Variants in ACACA observed in about 807,000 individuals in gnomAD.
ACACA encodes acetyl-CoA carboxylase alpha.
In ACACA, 103 loss-of-function variants were observed where a neutral mutation model predicts 296.1. That is an observed-to-expected ratio of 0.35 (90% CI 0.30 to 0.41). The LOEUF (loss-of-function observed/expected upper bound fraction) is 0.41, where lower values mean the gene tolerates loss of function less well. Ranked by LOEUF, ACACA falls within the 10% of genes least tolerant of loss-of-function variation. The probability of loss-of-function intolerance (pLI) is 1.00; values close to 1 mark genes in which losing one functional copy is unlikely to be tolerated. For synonymous variants in ACACA, 953 were observed against 1,038.6 expected (o/e 0.92, Z 1.58); for missense variants, 1,554 against 2,989.7 (o/e 0.52, Z 11.20).
At chr17:37,293,539 C>CTTTTTTTT (rs58534025) in intron 3 of ACACA, among the ~76,000 whole-genome samples, 2 of 124,612 alleles carry the variant, frequency 1.6e-5, no homozygotes, top group African/African-American at 3.0e-5. Context: ...AATTTTAGGA[C>CTTTTTTTT]TTTTTTTTTT....
intron 24 of ACACA, among the ~76,000 whole-genome samples, chr17:37,239,779 T>A (rs1000065767): frequency 6.6e-6 from 1 of 152,234 alleles, no homozygotes; most frequent in Non-Finnish European, 1.5e-5. Context: ...TGCTGATATC[T>A]ACATGAGGAT....
chr17:37,353,637 TAA>T (rs1169088763), intron 1 of ACACA, among the ~76,000 whole-genome samples: 11,388 of 55,820 alleles, frequency 0.2, 411 homozygotes, highest in Admixed American at 0.32. Flanking sequence ...AGACTCCGTC[TAA>T]AAAAAAAAAA....
At chr17:37,235,156 G>C in intron 24 of ACACA, 57 bp from the exon 25 acceptor site, 1 of 1,596,656 alleles carries the variant, frequency 6.3e-7, no homozygotes, top group South Asian at 1.1e-5. Flanking sequence ...ACATTTACAT[G>C]CTATTTGTTT....
At chr17:37,357,745 C>G (rs1293300464) in intron 1 of ACACA, among the ~76,000 whole-genome samples, 1 of 152,140 alleles carries the variant, frequency 6.6e-6, no homozygotes. Flanking sequence ...AACTGTGGTC[C>G]TGCTCTATTA....
In ACACA at chr17:37,179,592, C is replaced by G. The variant is rs138627071; in HGVS notation, c.4933-186G>C. The stretch of plus-strand genomic sequence containing the variant: ...AGATTTGTAATTACTTTTTACATGC[C>G]AAAAGTCAGGCACTTTTCCAAAAAG... On this transcript the variant is annotated intron_variant, in intron 40 of 55. Transcript: ENST00000616317. Among the ~76,000 whole-genome samples, 1,087 of 152,204 alleles carry G rather than the reference C, an allele frequency of 7.1e-3. 9 individuals are homozygous for G. Among genetic ancestry groups the G allele is most frequent in the Middle Eastern group, 0.02 (6 of 294 alleles).
intron 30 of ACACA, among the ~76,000 whole-genome samples, chr17:37,208,978 G>T (rs954650215): frequency 6.6e-6 from 1 of 152,186 alleles, no homozygotes; most frequent in African/African-American, 2.4e-5. Flanking sequence ...GTACCCTATC[G>T]CAAATCATAA....
At chr17:37,234,141 A>C (rs1265558557) in intron 25 of ACACA, among the ~76,000 whole-genome samples, 1 of 152,216 alleles carries the variant, frequency 6.6e-6, no homozygotes. Context: ...AAGAGACAAA[A>C]AGAAAACTCT....
Position 37,161,993 on chromosome 17 carries a change from C to T in ACACA, c.5137G>A (p.Asp1713Asn), listed in dbSNP as rs2076478859. The T allele has an allele frequency of 6.2e-7, 1 of 1,614,200 alleles. No individual in the cohort carries two copies. Among genetic ancestry groups the T allele is most frequent in the Admixed American group, 1.7e-5 (1 of 60,028 alleles). ...ATGTCATTGCCAATAACAATGATAT[C>T]TCGGCCTTCTGGATATTCAGGACTT... is the stretch of plus-strand genomic sequence containing the variant. ...FKSPEYPEGR[D>N]IIVIGNDITY... is the part of the protein sequence containing the mutation. Residue 1713 changes from aspartate to asparagine, a missense_variant, in exon 42 of 56, where the codon GAT (aspartate) becomes AAT (asparagine). By Grantham distance (23) the Asp-to-Asn change is conservative. Around this residue, in one of 16 missense-constraint regions of ACACA, gnomAD observed 553 missense variants for 1,043.6 expected, o/e 0.53. Coordinates refer to ENST00000616317, the MANE Select transcript of ACACA (RefSeq NM_198834.3).
chr17:37,381,732 A>G (rs1341668497), intron 1 of ACACA, among the ~76,000 whole-genome samples: 3 of 145,766 alleles, frequency 2.1e-5, no homozygotes, highest in Non-Finnish European at 3.0e-5. Context: ...GGTTCACGCC[A>G]TTCTCCTGCC....
At chr17:37,221,191 A>G (rs1484507109) in intron 29 of ACACA, among the ~76,000 whole-genome samples, 3 of 152,260 alleles carry the variant, frequency 2.0e-5, no homozygotes, top group Non-Finnish European at 4.4e-5. Context: ...GGCTTAATTC[A>G]GTAATTTATT....
chr17:37,125,433 C>T lies in ACACA; in HGVS notation c.6041+265G>A, dbSNP rs141669580. Among the ~76,000 whole-genome samples, 1,309 of 151,920 alleles carry T rather than the reference C, an allele frequency of 8.6e-3. 15 individuals are homozygous for T. The highest frequency in any genetic ancestry group is 0.03 in the African/African-American group (1,252 of 41,402). ...GCTATTGTAGTTGGGCTTTACAGCT[C>T]CCAAAGTGTTTTTCCTGAAACATTA... On this transcript the variant is annotated intron_variant, in intron 48 of 55. Transcript: ENST00000616317.
intron 52 of ACACA, among the ~76,000 whole-genome samples, chr17:37,098,277 C>T (rs1448202735): frequency 2.0e-5 from 3 of 152,182 alleles, no homozygotes; most frequent in African/African-American, 2.4e-5. Flanking sequence ...GTGCAAGTAG[C>T]GACCTAGAGG....
At chr17:37,375,938 A>C in intron 1 of ACACA, 2 of 586,594 alleles carry the variant, frequency 3.4e-6, no homozygotes, top group South Asian at 4.6e-5. Context: ...CTGGGTCTTC[A>C]GGAAATGGGG....
rs117903748 is a variant in ACACA, at chr17:37,218,375, T to C, written c.3683+3349A>G. On this transcript the variant is annotated intron_variant, in intron 29 of 55. Coordinates refer to ENST00000616317, the MANE Select transcript of ACACA (RefSeq NM_198834.3). ...TAACAATTGTTATTACATATTGAAA[T>C]GGTATTTTGGATATAATGGGTTAAA... Among the ~76,000 whole-genome samples the C allele has an allele frequency of 5.4e-3, 830 of 152,310 alleles. 4 individuals are homozygous for C. The highest frequency in any genetic ancestry group is 8.6e-3 in the Admixed American group (131 of 15,306).
At chr17:37,379,036 C>T in intron 1 of ACACA, 1 of 1,364,074 alleles carries the variant, frequency 7.3e-7, no homozygotes, top group African/African-American at 1.5e-5. Flanking sequence ...TGCGACACTG[C>T]ACTCCAGCTT....
rs2079543773 is a variant in ACACA, at chr17:37,226,334, C to T, written c.3360+5G>A. On this transcript the variant is annotated splice_donor_5th_base_variant and intron_variant, in intron 26 of 55. Coordinates refer to ENST00000616317, the MANE Select transcript of ACACA (RefSeq NM_198834.3). ...TCCTTTAAGAAAACCAACAAATGTC[C>T]TTACCTGGCGTGCTCGAAGTGCTAC... 6.2e-7 allele frequency: 1 copy of T among 1,610,672 alleles called. No individual in the cohort carries two copies. The highest frequency in any genetic ancestry group is 1.1e-5 in the South Asian group (1 of 91,004).
At chr17:37,379,044 C>T in intron 1 of ACACA, 1 of 1,417,178 alleles carries the variant, frequency 7.1e-7, no homozygotes, top group Non-Finnish European at 9.4e-7. Context: ...TGCACTCCAG[C>T]TTGGGTGACA....
intron 42 of ACACA, among the ~76,000 whole-genome samples, chr17:37,158,085 G>A (rs1363511112): frequency 1.3e-5 from 2 of 152,154 alleles, no homozygotes; most frequent in Non-Finnish European, 2.9e-5. Flanking sequence ...TGTGGGGTGT[G>A]CAAGAAAGAC....
intron 1 of ACACA, chr17:37,376,006 GT>G: frequency 8.7e-7 from 1 of 1,153,326 alleles, no homozygotes; most frequent in Non-Finnish European, 1.3e-6. Context: ...CCAGCTGCGT[GT>G]GGTGAAAGCA....
Sources: gnomAD v4.1 joint callset for allele counts (sites outside exome capture counted in the v4.1 genomes callset) on GRCh38, gnomAD v4.1.1 for gene constraint, gnomAD v4.1.1 regional missense constraint, MANE v1.5 for transcripts, NCBI Gene and HGNC (gene_info 2026-07-23, HGNC 2026-07-21) for gene names.